Variants in EPHA7 observed in about 807,000 individuals in gnomAD.
EPHA7 encodes ephrin type-A receptor 7.
A neutral mutation model predicts 112.6 loss-of-function variants in EPHA7; 25 were observed. The observed-to-expected ratio is 0.22, with a 90% CI of 0.16 to 0.31. The LOEUF is 0.31. EPHA7 is among the 10% of genes least tolerant of loss of function. The probability of loss-of-function intolerance (pLI) is 1.00; values close to 1 mark genes in which losing one functional copy is unlikely to be tolerated. For missense variants in EPHA7, 962 were observed against 1,212.6 expected, an observed-to-expected ratio of 0.79 and a Z score of 3.07; for synonymous variants, 437 against 406.5, an observed-to-expected ratio of 1.07 and a Z score of -0.90.
At chr6:93,285,747 C>T (rs557079312) in intron 5 of EPHA7, among the ~76,000 whole-genome samples, 135 of 152,204 alleles carry the variant, frequency 8.9e-4, no homozygotes, top group African/African-American at 3.1e-3. Context: ...TATGAAGTTC[C>T]GGCTTTATTC....
intron 5 of EPHA7, among the ~76,000 whole-genome samples, chr6:93,320,993 A>G (rs980822021): frequency 6.6e-6 from 1 of 151,990 alleles, no homozygotes; most frequent in Non-Finnish European, 1.5e-5. Context: ...GCTAAATAAA[A>G]TAGCAGTAAA....
intron 3 of EPHA7, among the ~76,000 whole-genome samples, chr6:93,361,239 T>C (rs565382066): frequency 6.6e-6 from 1 of 152,074 alleles, no homozygotes; most frequent in Non-Finnish European, 1.5e-5. Context: ...TCAGTTCAGT[T>C]AATATTGAAA....
intron 3 of EPHA7, among the ~76,000 whole-genome samples, chr6:93,396,511 G>T (rs1778180046): frequency 6.6e-6 from 1 of 151,984 alleles, no homozygotes; most frequent in South Asian, 2.1e-4. Context: ...GATCCTGACT[G>T]TGAGCTCTTT....
intron 5 of EPHA7, among the ~76,000 whole-genome samples, chr6:93,312,367 C>A (rs1352552215): frequency 6.6e-6 from 1 of 151,664 alleles, no homozygotes; most frequent in Non-Finnish European, 1.5e-5. Flanking sequence ...TATATCAACA[C>A]TTGCTTCATC....
rs534412052 is a variant in EPHA7 at position 93,296,695 on chromosome 6, G to T, written c.1325-24273C>A. Among the ~76,000 whole-genome samples the T allele has an allele frequency of 5.1e-4, 78 of 151,762 alleles. No individual in the cohort carries two copies. In the East Asian group the frequency reaches 0.015, roughly 28 times the overall value. On this transcript the variant is annotated intron_variant, in intron 5 of 16. Coordinates refer to ENST00000369303, the MANE Select transcript of EPHA7 (RefSeq NM_004440.4). ...AATAATGGTTACCAGGGATAAGAAG[G>T]GGGTGAGGAGAAAATGGCATGATGC...
In EPHA7 at chr6:93,419,545, C is replaced by G. The variant is rs1260739965; in HGVS notation, c.-204G>C. 2 of 525,096 alleles carry G rather than the reference C, an allele frequency of 3.8e-6. No homozygotes were observed. The highest frequency in any genetic ancestry group is 7.6e-5 in the Admixed American group (2 of 26,332). 32.5% of individuals were successfully genotyped at this position (525,096 alleles called of 1,614,324 possible). A position where few individuals can be genotyped will look rare whatever the true frequency, so the allele number is the denominator to read the frequency against. On this transcript the variant is annotated 5_prime_UTR_variant, in exon 1 of 17. Coordinates refer to ENST00000369303, the MANE Select transcript of EPHA7 (RefSeq NM_004440.4). ...CGCACCGTGTTTGCTGCCTGCAAGT[C>G]TCCGACTGCAGACCGGCCGCTTGCT...
At chr6:93,315,061 A>T (rs1421361198) in intron 5 of EPHA7, among the ~76,000 whole-genome samples, 2 of 150,240 alleles carry the variant, frequency 1.3e-5, no homozygotes, top group Non-Finnish European at 3.0e-5. Flanking sequence ...ACGGGGTTTC[A>T]CCGTGTTAGC....
intron 3 of EPHA7, among the ~76,000 whole-genome samples, chr6:93,378,884 G>T (rs988540470): frequency 3.3e-5 from 5 of 152,036 alleles, no homozygotes; most frequent in African/African-American, 4.8e-5. Flanking sequence ...TTCTGTCAAA[G>T]TCTTGTGTTA....
chr6:93,333,008 G>T (rs947381918), intron 5 of EPHA7, among the ~76,000 whole-genome samples: 21 of 151,526 alleles, frequency 1.4e-4, no homozygotes, highest in Admixed American at 1.2e-3. Context: ...TATCTGACAG[G>T]TATTTTTTCT....
chr6:93,246,476 T>C (rs2127846426), intron 15 of EPHA7, among the ~76,000 whole-genome samples: 1 of 152,266 alleles, frequency 6.6e-6, no homozygotes, highest in South Asian at 2.1e-4. Flanking sequence ...CATGTAATAA[T>C]AATAATATTG....
chr6:93,399,430 A>G (rs745684478), intron 3 of EPHA7, among the ~76,000 whole-genome samples: 12 of 152,074 alleles, frequency 7.9e-5, no homozygotes, highest in Non-Finnish European at 1.2e-4. Flanking sequence ...TAAAGATTTT[A>G]TTGAAGTAGC....
At chr6:93,391,837 C>T (rs1437256294) in intron 3 of EPHA7, among the ~76,000 whole-genome samples, 1 of 151,016 alleles carries the variant, frequency 6.6e-6, no homozygotes, top group Non-Finnish European at 1.5e-5. Flanking sequence ...CTTCCAATTA[C>T]CTAAAAATAG....
At chr6:93,349,497 G>T (rs954525743) in intron 5 of EPHA7, among the ~76,000 whole-genome samples, 4 of 151,764 alleles carry the variant, frequency 2.6e-5, no homozygotes, top group Non-Finnish European at 5.9e-5. Context: ...TGCTGCAGAC[G>T]GCATAGGTGT....
chr6:93,321,186 T>C (rs1774052414), intron 5 of EPHA7, among the ~76,000 whole-genome samples: 1 of 151,978 alleles, frequency 6.6e-6, no homozygotes, highest in Non-Finnish European at 1.5e-5. Flanking sequence ...AAAATGTATA[T>C]AACTGGTCTC....
intron 5 of EPHA7, among the ~76,000 whole-genome samples, chr6:93,306,063 AT>A (rs1255722337): frequency 6.6e-6 from 1 of 151,996 alleles, no homozygotes; most frequent in Non-Finnish European, 1.5e-5. Flanking sequence ...GAAAATCACT[AT>A]TTATGCAAGA....
chr6:93,248,771 T>C (rs1365455522), intron 14 of EPHA7, among the ~76,000 whole-genome samples: 1 of 152,126 alleles, frequency 6.6e-6, no homozygotes, highest in East Asian at 1.9e-4. Flanking sequence ...CGATCACAGC[T>C]CACTGCAGCC....
At chr6:93,320,778 G>A (rs781553457) in intron 5 of EPHA7, among the ~76,000 whole-genome samples, 62 of 152,024 alleles carry the variant, frequency 4.1e-4, no homozygotes, top group Non-Finnish European at 2.2e-4. Flanking sequence ...AGCTTTGCTA[G>A]TATTTAATGC....
At chr6:93,253,570 C>A (rs1770309447) in intron 14 of EPHA7, among the ~76,000 whole-genome samples, 1 of 152,044 alleles carries the variant, frequency 6.6e-6, no homozygotes, top group Admixed American at 6.6e-5. Context: ...GCATTAGTAT[C>A]ATTTCCAGAC....
intron 1 of EPHA7, among the ~76,000 whole-genome samples, chr6:93,416,233 T>G (rs907225289): frequency 2.0e-5 from 3 of 152,190 alleles, no homozygotes; most frequent in African/African-American, 7.2e-5. Flanking sequence ...AAAGTAATTT[T>G]TAAAGTTTAT....
Sources: allele counts gnomAD v4.1 joint callset (sites outside exome capture counted in the v4.1 genomes callset), GRCh38; gene constraint gnomAD v4.1.1; transcripts MANE v1.5; gene names NCBI Gene and HGNC (gene_info 2026-07-23, HGNC 2026-07-21).